The following NAALADL2 variants were observed in gnomAD, a reference collection of about 807,000 sequenced individuals.
NAALADL2 encodes inactive N-acetylated-alpha-linked acidic dipeptidase-like protein 2.
In NAALADL2, 76 loss-of-function variants were observed where a neutral mutation model predicts 87.2. The ratio of observed to expected loss-of-function variants is 0.87; its 90% confidence interval spans 0.72 to 1.05. The LOEUF (loss-of-function observed/expected upper bound fraction) is 1.05, where lower values mean the gene tolerates loss of function less well. NAALADL2 is among the 50% of genes least tolerant of loss of function. NAALADL2 has a pLI of 0.00. For missense variants in NAALADL2, 1,089 were observed against 945.8 expected (o/e 1.15, Z -1.99); for synonymous variants, 354 against 331.0 (o/e 1.07, Z -0.75).
intron 2 of NAALADL2, among the ~76,000 whole-genome samples, chr3:174,612,641 T>A (rs561808730): frequency 5.9e-5 from 9 of 152,152 alleles, no homozygotes; most frequent in Non-Finnish European, 1.3e-4. Flanking sequence ...TGATTCTTTT[T>A]AATTATTTCA....
In NAALADL2 at chr3:175,601,587, T is replaced by G. The variant is rs1390244328; in HGVS notation, c.1800+25400T>G. Among the ~76,000 whole-genome samples, 3 of 152,130 alleles carry G rather than the reference T, an allele frequency of 2.0e-5. No homozygotes were observed. In the East Asian group the frequency reaches 5.8e-4, roughly 29 times the overall value. ...TTAGACTTTATTTCTCTTAAAATAC[T>G]TTGAGTAGGTTGAACAAACTGAATG... On this transcript the variant is annotated intron_variant, in intron 10 of 13. Transcript: ENST00000454872.
At chr3:175,383,859 A>G (rs1454341916) in intron 5 of NAALADL2, among the ~76,000 whole-genome samples, 2 of 152,090 alleles carry the variant, frequency 1.3e-5, no homozygotes, top group Non-Finnish European at 2.9e-5. Context: ...AAAGATACGT[A>G]GTGGGCTCTA....
chr3:174,557,259 A>G (rs995403398), intron 2 of NAALADL2, among the ~76,000 whole-genome samples: 4 of 152,216 alleles, frequency 2.6e-5, no homozygotes, highest in African/African-American at 9.6e-5. Flanking sequence ...CCTACATGCC[A>G]CAAAAACCTT....
chr3:175,620,895 A>C (rs1726126085), intron 10 of NAALADL2, among the ~76,000 whole-genome samples: 1 of 152,200 alleles, frequency 6.6e-6, no homozygotes. Flanking sequence ...TCAGCTGCAA[A>C]AGGCGACCTG....
chr3:174,903,573 G>C (rs1426539861), intron 1 of NAALADL2, among the ~76,000 whole-genome samples: 1 of 151,844 alleles, frequency 6.6e-6, no homozygotes, highest in African/African-American at 2.4e-5. Context: ...CTATCTTTTA[G>C]TAGTAGTATT....
Position 175,292,723 on chromosome 3 carries a change from CA to C in NAALADL2, c.940-31449del, listed in dbSNP as rs370196263. ...TGATCACCATGAGGTAGGCTGTGTA[CA>C]AAGGTCTAGGGACATAAAAATGAAG... On this transcript the variant is annotated intron_variant, in intron 4 of 13. Transcript: ENST00000454872. Among the ~76,000 whole-genome samples the C allele has an allele frequency of 5.7e-3, 864 of 151,870 alleles. 5 individuals are homozygous for C. The highest frequency in any genetic ancestry group is 0.02 in the African/African-American group (830 of 41,414).
intron 4 of NAALADL2, among the ~76,000 whole-genome samples, chr3:175,295,213 AAG>A (rs1464120414): frequency 1.3e-5 from 2 of 152,150 alleles, no homozygotes; most frequent in Non-Finnish European, 2.9e-5. Flanking sequence ...TGTATGTTCA[AAG>A]AGAGTTTCCA....
chr3:174,944,683 T>A (rs948387551), intron 1 of NAALADL2, among the ~76,000 whole-genome samples: 27 of 152,188 alleles, frequency 1.8e-4, no homozygotes, highest in Non-Finnish European at 3.2e-4. Context: ...AGCCTGTGCC[T>A]GAGTGGCTGC....
chr3:175,469,671 ATAT>A (rs1313965381), intron 8 of NAALADL2, among the ~76,000 whole-genome samples: 16 of 152,020 alleles, frequency 1.1e-4, no homozygotes, highest in African/African-American at 3.9e-4. Flanking sequence ...TATTGTGGAA[ATAT>A]TATAGATATT....
At chr3:175,348,886 G>T (rs758245661) in intron 5 of NAALADL2, among the ~76,000 whole-genome samples, 1 of 152,094 alleles carries the variant, frequency 6.6e-6, no homozygotes, top group Non-Finnish European at 1.5e-5. Flanking sequence ...TTGAATTTTT[G>T]CATGATTACA....
intron 11 of NAALADL2, among the ~76,000 whole-genome samples, chr3:175,654,034 A>G (rs1204425509): frequency 6.6e-6 from 1 of 152,190 alleles, no homozygotes; most frequent in African/African-American, 2.4e-5. Flanking sequence ...TTTATTGTTC[A>G]TGGGCTGATT....
At chr3:175,193,459 A>T (rs1738508803) in intron 2 of NAALADL2, among the ~76,000 whole-genome samples, 1 of 151,922 alleles carries the variant, frequency 6.6e-6, no homozygotes, top group Non-Finnish European at 1.5e-5. Context: ...CAGGCCAAAA[A>T]ATGGTCTCTG....
At chr3:175,537,389 G>A (rs1377944950) in intron 9 of NAALADL2, among the ~76,000 whole-genome samples, 1 of 152,216 alleles carries the variant, frequency 6.6e-6, no homozygotes, top group East Asian at 1.9e-4. Context: ...TGAGGGAAGA[G>A]CAGAGATTGA....
At chr3:175,787,133 T>C (rs1158444002) in intron 13 of NAALADL2, among the ~76,000 whole-genome samples, 2 of 152,174 alleles carry the variant, frequency 1.3e-5, no homozygotes, top group Non-Finnish European at 2.9e-5. Flanking sequence ...GACAGGGACA[T>C]TTAAGTCTGC....
intron 13 of NAALADL2, 53 bp from the exon 14 acceptor site, chr3:175,802,952 T>C: frequency 8.5e-7 from 1 of 1,172,410 alleles, no homozygotes; most frequent in African/African-American, 1.5e-5. Flanking sequence ...CAACGTTTGA[T>C]AGAAAAATAG....
chr3:175,331,812 T>C (rs751834488), intron 5 of NAALADL2, among the ~76,000 whole-genome samples: 3 of 152,156 alleles, frequency 2.0e-5, no homozygotes, highest in Non-Finnish European at 2.9e-5. Context: ...AGAAGTCAAA[T>C]TGTCCCTCTA....
intron 5 of NAALADL2, among the ~76,000 whole-genome samples, chr3:175,419,659 T>C (rs902283558): frequency 2.6e-5 from 4 of 152,004 alleles, no homozygotes; most frequent in African/African-American, 9.7e-5. Flanking sequence ...TTTGTTCCTC[T>C]GTGCCTTCTC....
chr3:174,469,885 T>C (rs1317771768), intron 1 of NAALADL2, among the ~76,000 whole-genome samples: 1 of 152,190 alleles, frequency 6.6e-6, no homozygotes, highest in African/African-American at 2.4e-5. Context: ...TCAGAGTATG[T>C]AGATATTTTT....
chr3:175,573,140 C>G (rs973306853), intron 9 of NAALADL2, among the ~76,000 whole-genome samples: 1 of 151,968 alleles, frequency 6.6e-6, no homozygotes, highest in Admixed American at 6.5e-5. Context: ...AATTTTTGAC[C>G]ATGACATTTT....
Sources: gnomAD v4.1 joint callset for allele counts (sites outside exome capture counted in the v4.1 genomes callset) on GRCh38, gnomAD v4.1.1 for gene constraint, MANE v1.5 for transcripts, NCBI Gene and HGNC (gene_info 2026-07-23, HGNC 2026-07-21) for gene names.